The following LILRA5 variants were observed in gnomAD, a reference collection of about 807,000 sequenced individuals.
The protein encoded by LILRA5 is leukocyte immunoglobulin-like receptor subfamily A member 5.
LILRA5 carries 31 observed loss-of-function variants against 36.3 expected under a neutral mutation model. That is an observed-to-expected ratio of 0.85 (90% CI 0.64 to 1.15). The LOEUF (loss-of-function observed/expected upper bound fraction) is 1.15. Among genes scored for constraint, LILRA5 ranks in the 50% most tolerant of loss-of-function variants. The pLI is 0.00. For synonymous variants in LILRA5, 144 were observed against 144.8 expected (o/e 0.99, Z 0.04); for missense variants, 348 against 377.4 (o/e 0.92, Z 0.64).
At chr19:54,312,513 C>T (rs1261046336) in intron 2 of LILRA5, 24 bp downstream of exon 2, 48 of 1,614,044 alleles carry the variant, frequency 3.0e-5, no homozygotes, top group Non-Finnish European at 3.9e-5. Flanking sequence ...TAGGGTGCCC[C>T]TTCCCTGAGG....
At chr19:54,309,928 G>C (rs1463739401) in intron 5 of LILRA5, 1 of 176,600 alleles carries the variant, frequency 5.7e-6, no homozygotes, top group Non-Finnish European at 1.2e-5. Flanking sequence ...TTTGTCTCAG[G>C]GGTGCCCTGA....
At chr19:54,308,159 T>C (rs1051323185) in intron 5 of LILRA5, 27 of 177,154 alleles carry the variant, frequency 1.5e-4, no homozygotes, top group Non-Finnish European at 3.1e-4. Context: ...GGATGACGGG[T>C]TGGTCCTCAG....
In LILRA5 at chr19:54,312,922, C is replaced by T. The variant is rs190712660; in HGVS notation, c.3+95G>A. On this transcript the variant is annotated intron_variant, in intron 1 of 6. Coordinates refer to ENST00000432233, the MANE Select transcript of LILRA5 (RefSeq NM_021250.4). Reference sequence around the variant, plus strand: ...GGTGCCTTCCTGAGTCAGCCCCTTTCAGGCGAGGGTGACCTCCTCCCTCTC... The same window carrying T: ...GGTGCCTTCCTGAGTCAGCCCCTTTTAGGCGAGGGTGACCTCCTCCCTCTC... The T allele has an allele frequency of 6.1e-4, 923 of 1,515,394 alleles. 5 individuals are homozygous for T. The African/African-American group carries it at 0.011, about 18-fold the overall frequency. 93.9% of individuals were successfully genotyped at this position (1,515,394 alleles called of 1,614,324 possible).
At chr19:54,308,917 T>G (rs1237785752) in intron 5 of LILRA5, 1 of 152,172 alleles carries the variant, frequency 6.6e-6, no homozygotes, top group African/African-American at 2.4e-5. Context: ...TATGTATATA[T>G]GTAAAACTTT....
intron 6 of LILRA5, 66 bp downstream of exon 6, chr19:54,307,632 C>A: frequency 6.2e-7 from 1 of 1,612,814 alleles, no homozygotes; most frequent in Non-Finnish European, 8.5e-7. Flanking sequence ...CCAGGGCACC[C>A]ATATCATCTT....
chr19:54,309,730 T>A (rs1397721423), intron 5 of LILRA5: 4 of 152,288 alleles, frequency 2.6e-5, no homozygotes, highest in Non-Finnish European at 5.9e-5. Context: ...TACTTGTTTT[T>A]AAATCATAAA....
chr19:54,311,617 CT>C lies in LILRA5; in HGVS notation c.508del (p.Arg170GlyfsTer4), dbSNP rs1305132446. On this transcript the variant is annotated frameshift_variant, in exon 5 of 7. Transcript: ENST00000432233. LOFTEE classifies it high-confidence loss of function. ...LQCGSRLRFD[R>X]FILTEEGDHK... ...GTCTCCTTCCTCAGTCAGAATGAAC[CT>C]GTCGAATCTCAGCCGTGAGCCACAC... The C allele has an allele frequency of 2.5e-6, 4 of 1,614,058 alleles. No homozygotes were observed. Among genetic ancestry groups the C allele is most frequent in the Non-Finnish European group, 3.4e-6 (4 of 1,180,036 alleles).
At chr19:54,308,468 C>A (rs923029464) in intron 5 of LILRA5, 2 of 145,554 alleles carry the variant, frequency 1.4e-5, no homozygotes, top group South Asian at 4.5e-4. Context: ...GTGGCTCATG[C>A]CTGTAATCCC....
At position 54,312,351 on chromosome 19, in the gene LILRA5, C is replaced by T. The variant is rs970748760; in HGVS notation, c.108G>A (p.Arg36=). ...LLCLGLSLGP[R]THVQAGNLSK... is the part of the protein sequence containing the mutation. ...CAGACTCACCTGCCTGCACGTGGGT[C>T]CTGGGGCCCAGACTCAGCCCTGGAA... The change falls in exon 3 of 7, where the codon AGG becomes AGA. Residue 36 remains arginine (R), a synonymous_variant. Transcript: ENST00000432233. 5.6e-6 allele frequency: 9 copies of T among 1,614,220 alleles called. No homozygotes were observed. The highest frequency in any genetic ancestry group is 7.6e-6 in the Non-Finnish European group (9 of 1,180,044).
At position 54,312,571 on chromosome 19, in the gene LILRA5, G is replaced by A. The variant is rs201638249; in HGVS notation, c.54C>T (p.Ala18=). 3.5e-5 allele frequency: 57 copies of A among 1,614,060 alleles called. No individual in the cohort carries two copies. The highest frequency in any genetic ancestry group is 5.3e-5 in the African/African-American group (4 of 74,918). ...GCAGAACCATGAGGGCAGGGCTCAC[G>A]GCGTCTCCTCCCACTGGCTGCAGCT... The part of the protein sequence containing the change: ...SAQLQPVGGD[A]VSPALMVLLC... Residue 18 remains alanine (A), a synonymous_variant, in exon 2 of 7, where the codon GCC becomes GCT. Transcript: ENST00000432233.
At position 54,312,009 on chromosome 19, in the gene LILRA5, G is replaced by A; in HGVS notation, c.264C>T (p.Asp88=). The change falls in exon 4 of 7, where the codon GAC becomes GAT. Residue 88 remains aspartate, a synonymous_variant. Transcript: ENST00000432233. ...TCTTGGGCTCCAGTGGGTTCTGTGT[G>A]TCCCAGGGTTCTGGGCTTCCCTCTT... ...LVKEGSPEPW[D]TQNPLEPKNK... 1.9e-6 allele frequency: 3 copies of A among 1,614,168 alleles called. No individual in the cohort carries two copies. The highest frequency in any genetic ancestry group is 2.2e-5 in the East Asian group (1 of 44,872).
chr19:54,309,949 C>T, intron 5 of LILRA5: 1 of 239,022 alleles, frequency 4.2e-6, no homozygotes, highest in South Asian at 4.2e-5. Flanking sequence ...GCACAGAGGC[C>T]TCCAGGTGAG....
chr19:54,307,875 A>G, intron 5 of LILRA5, 127 bp from the exon 6 acceptor site: 1 of 728,078 alleles, frequency 1.4e-6, no homozygotes, highest in Non-Finnish European at 2.4e-6. Flanking sequence ...GAGTTCCTCC[A>G]TAAACCCTCC....
In LILRA5 at chr19:54,307,333, T is replaced by C. The variant is rs895509392; in HGVS notation, c.*80A>G. 4 of 1,442,330 alleles carry C rather than the reference T, an allele frequency of 2.8e-6. No individual in the cohort carries two copies. In the African/African-American group the frequency reaches 5.8e-5, roughly 21 times the overall value. The allele number at this position is 1,442,330 out of a possible 1,614,324, so 89.3% of individuals were successfully genotyped here. ...CAGTCCAGATGGCATAGGCCTCAGA[T>C]GGTCTTCCCGAACCTCCTAGGACCA... On this transcript the variant is annotated 3_prime_UTR_variant, in exon 7 of 7. Coordinates refer to ENST00000432233, the MANE Select transcript of LILRA5 (RefSeq NM_021250.4).
At chr19:54,312,242 C>T in intron 3 of LILRA5, 93 bp downstream of exon 3, 2 of 1,613,144 alleles carry the variant, frequency 1.2e-6, no homozygotes, top group Non-Finnish European at 1.7e-6. Context: ...CCATCAATCA[C>T]CCAGAACTGC....
chr19:54,312,505 G>A (rs1457412935), intron 2 of LILRA5, 32 bp downstream of exon 2: 2 of 1,613,892 alleles, frequency 1.2e-6, no homozygotes, highest in Admixed American at 1.7e-5. Context: ...TCCCAGACTA[G>A]GGTGCCCCTT....
rs770029088 is a variant in LILRA5 at position 54,311,846 on chromosome 19, C to T, written c.409+18G>A. 1 of 1,614,128 alleles carries T rather than the reference C, an allele frequency of 6.2e-7. No homozygotes were observed. Among genetic ancestry groups the T allele is most frequent in the Non-Finnish European group, 8.5e-7 (1 of 1,180,000 alleles). On this transcript the variant is annotated intron_variant, in intron 4 of 6. Transcript: ENST00000432233. ...TGAGGGCAGAGCCTGGAGCTGGGACCCCAGAGTGTCCTCTCACCTGTCACC... is the reference window on the plus strand; with the variant it reads ...TGAGGGCAGAGCCTGGAGCTGGGACTCCAGAGTGTCCTCTCACCTGTCACC...
At chr19:54,312,852 T>C in intron 1 of LILRA5, 165 bp downstream of exon 1, 1 of 906,562 alleles carries the variant, frequency 1.1e-6, no homozygotes, top group South Asian at 1.5e-5. Context: ...CTGCCTGATT[T>C]ATCTTTATCT....
At chr19:54,312,867 G>T in intron 1 of LILRA5, 150 bp downstream of exon 1, 2 of 1,001,976 alleles carry the variant, frequency 2.0e-6, no homozygotes, top group South Asian at 2.8e-5. Context: ...TTATCTCACT[G>T]AGAGCCGGGA....
Sources: gnomAD v4.1 joint callset for allele counts on GRCh38, gnomAD v4.1.1 for gene constraint, MANE v1.5 for transcripts, NCBI Gene and HGNC (gene_info 2026-07-23, HGNC 2026-07-21) for gene names.